NRG3: variants seen among roughly 807,000 people sequenced by gnomAD.
The protein encoded by NRG3 is neuregulin 3.
Under a neutral mutation model 66.9 loss-of-function variants are expected in NRG3, and 31 were observed. The ratio of observed to expected loss-of-function variants is 0.46; its 90% confidence interval spans 0.35 to 0.63. The LOEUF is 0.63. Among genes scored for constraint, NRG3 ranks in the 20% least tolerant of loss-of-function variants. The probability of loss-of-function intolerance (pLI) is 0.00; values close to 1 mark genes in which losing one functional copy is unlikely to be tolerated. For synonymous variants in NRG3, 393 were observed against 359.4 expected (o/e 1.09, Z -1.06); for missense variants, 910 against 878.9 (o/e 1.04, Z -0.45).
intron 3 of NRG3, among the ~76,000 whole-genome samples, chr10:82,822,840 C>A (rs532308875): frequency 5.9e-5 from 9 of 151,838 alleles, no homozygotes; most frequent in Admixed American, 5.2e-4. Context: ...TGCAAGTGGC[C>A]ACTAAGGGGT....
intron 6 of NRG3, among the ~76,000 whole-genome samples, chr10:82,970,620 T>G (rs757008943): frequency 1.3e-5 from 2 of 152,226 alleles, no homozygotes; most frequent in African/African-American, 4.8e-5. Flanking sequence ...ATCTTAAGAA[T>G]AGTCTTTAAC....
At chr10:81,880,289 T>C (rs1842062551) in intron 1 of NRG3, among the ~76,000 whole-genome samples, 2 of 152,156 alleles carry the variant, frequency 1.3e-5, no homozygotes, top group Admixed American at 1.3e-4. Flanking sequence ...TCCCCAGTTC[T>C]TCAGACTGAA....
chr10:82,327,867 G>T (rs2081953503), intron 1 of NRG3, among the ~76,000 whole-genome samples: 1 of 152,052 alleles, frequency 6.6e-6, no homozygotes, highest in Non-Finnish European at 1.5e-5. Flanking sequence ...TTTTTCCTTG[G>T]CTTGTAGTCA....
intron 1 of NRG3, among the ~76,000 whole-genome samples, chr10:82,153,141 T>C (rs1056761282): frequency 2.0e-5 from 3 of 152,142 alleles, no homozygotes; most frequent in African/African-American, 7.2e-5. Context: ...CACCATGCTA[T>C]GTTACAACTT....
intron 2 of NRG3, among the ~76,000 whole-genome samples, chr10:82,690,681 C>G (rs922488104): frequency 6.6e-6 from 1 of 152,178 alleles, no homozygotes; most frequent in Admixed American, 6.5e-5. Flanking sequence ...TAAACCTGCT[C>G]TCCCAATCCC....
intron 1 of NRG3, among the ~76,000 whole-genome samples, chr10:81,912,425 T>C (rs1845257682): frequency 6.6e-6 from 1 of 152,184 alleles, no homozygotes; most frequent in South Asian, 2.1e-4. Flanking sequence ...TCTCCTTATG[T>C]TTCCCAGGCT....
At chr10:82,344,287 C>T (rs1341374486) in intron 1 of NRG3, among the ~76,000 whole-genome samples, 2 of 151,156 alleles carry the variant, frequency 1.3e-5, no homozygotes. Context: ...TTGTTCAATT[C>T]CCACCTATGA....
intron 4 of NRG3, among the ~76,000 whole-genome samples, chr10:82,898,962 G>A (rs191841905): frequency 5.9e-4 from 90 of 151,876 alleles, no homozygotes; most frequent in African/African-American, 2.1e-3. Flanking sequence ...TGCCTGCCTC[G>A]GCCTCCCAAA....
chr10:82,394,441 A>G (rs542748998), intron 2 of NRG3, among the ~76,000 whole-genome samples: 1 of 152,264 alleles, frequency 6.6e-6, no homozygotes, highest in Admixed American at 6.5e-5. Flanking sequence ...CCTGATTCCC[A>G]TTTAGAGGGT....
chr10:82,185,927 A>T (rs1271063475), intron 1 of NRG3, among the ~76,000 whole-genome samples: 4 of 152,198 alleles, frequency 2.6e-5, no homozygotes, highest in Non-Finnish European at 5.9e-5. Flanking sequence ...CATAACTGGC[A>T]TCATGCATCT....
At chr10:82,606,682 C>T (rs2047986045) in intron 2 of NRG3, among the ~76,000 whole-genome samples, 1 of 152,140 alleles carries the variant, frequency 6.6e-6, no homozygotes, top group Admixed American at 6.6e-5. Context: ...GACCCACTTC[C>T]CTGCAGCTGC....
chr10:82,178,363 T>C (rs1489810360), intron 1 of NRG3, among the ~76,000 whole-genome samples: 1 of 152,140 alleles, frequency 6.6e-6, no homozygotes. Context: ...TTTATATCTA[T>C]TGAAAAGCAA....
At chr10:82,875,253 A>G (rs546281464) in intron 4 of NRG3, among the ~76,000 whole-genome samples, 2 of 152,344 alleles carry the variant, frequency 1.3e-5, no homozygotes, top group South Asian at 4.1e-4. Flanking sequence ...TCATGATTTG[A>G]ACCATCTCTC....
intron 3 of NRG3, among the ~76,000 whole-genome samples, chr10:82,828,652 A>T (rs1003587428): frequency 5.9e-5 from 9 of 152,218 alleles, no homozygotes; most frequent in Non-Finnish European, 1.3e-4. Flanking sequence ...TTTTACCATT[A>T]CACATTTTTT....
At chr10:82,201,048 T>A (rs574629879) in intron 1 of NRG3, among the ~76,000 whole-genome samples, 2 of 151,680 alleles carry the variant, frequency 1.3e-5, no homozygotes, top group Admixed American at 6.6e-5. Context: ...ATACAAAAAA[T>A]TAGCCAGGTG....
intron 1 of NRG3, among the ~76,000 whole-genome samples, chr10:82,102,105 TGTGTATTC>T (rs1184517356): frequency 5.4e-4 from 59 of 110,046 alleles, no homozygotes; most frequent in African/African-American, 1.3e-3. Context: ...TATATATATA[TGTGTATTC>T]ATATATATAT....
intron 2 of NRG3, among the ~76,000 whole-genome samples, chr10:82,722,042 G>T (rs2057350705): frequency 6.6e-6 from 1 of 152,096 alleles, no homozygotes; most frequent in African/African-American, 2.4e-5. Context: ...GTTCTCACTG[G>T]AAAGATTCAG....
At chr10:82,074,029 G>A (rs969232952) in intron 1 of NRG3, among the ~76,000 whole-genome samples, 1 of 151,596 alleles carries the variant, frequency 6.6e-6, no homozygotes, top group Non-Finnish European at 1.5e-5. Flanking sequence ...TATAAAATAT[G>A]AAAAGAGAGA....
At chr10:82,913,854 G>A (rs905845444) in intron 4 of NRG3, among the ~76,000 whole-genome samples, 18 of 152,000 alleles carry the variant, frequency 1.2e-4, no homozygotes, top group African/African-American at 4.1e-4. Context: ...AATTTTGGAA[G>A]GTTGTCAGCT....
Sources: gnomAD v4.1 joint callset for allele counts (sites outside exome capture counted in the v4.1 genomes callset) on GRCh38, gnomAD v4.1.1 for gene constraint, MANE v1.5 for transcripts, NCBI Gene and HGNC (gene_info 2026-07-23, HGNC 2026-07-21) for gene names.